The following THSD4 variants were observed in gnomAD, a reference collection of about 807,000 sequenced individuals.
THSD4 encodes the protein thrombospondin type-1 domain-containing protein 4.
In THSD4, 69 loss-of-function variants were observed where a neutral mutation model predicts 119.0. The ratio of observed to expected loss-of-function variants is 0.58; its 90% CI spans 0.48 to 0.71. The LOEUF is 0.71. Ranked by LOEUF, THSD4 falls within the 30% of genes least tolerant of loss-of-function variation. The pLI, the probability that THSD4 is intolerant of heterozygous loss-of-function variation, is 0.00. For synonymous variants in THSD4, 524 were observed against 540.4 expected, an observed-to-expected ratio of 0.97 and a Z score of 0.42; for missense variants, 1,393 against 1,391.1, an observed-to-expected ratio of 1.00 and a Z score of -0.02.
intron 7 of THSD4, among the ~76,000 whole-genome samples, chr15:71,473,826 T>C (rs972020597): frequency 1.6e-4 from 24 of 152,218 alleles, no homozygotes; most frequent in African/African-American, 5.8e-4. Context: ...AGTGGAAGGT[T>C]CTCACCAGTG....
intron 7 of THSD4, among the ~76,000 whole-genome samples, chr15:71,646,565 A>C (rs905065941): frequency 9.2e-5 from 14 of 152,220 alleles, no homozygotes; most frequent in African/African-American, 3.4e-4. Context: ...TGTTATCTTT[A>C]ACTTGACTTT....
chr15:71,627,310 G>A (rs978604741), intron 7 of THSD4, among the ~76,000 whole-genome samples: 13 of 152,218 alleles, frequency 8.5e-5, no homozygotes, highest in South Asian at 6.2e-4. Flanking sequence ...TCACCTCTCC[G>A]ACATCTTCAT....
At chr15:71,441,397 A>ATTTTTTTTTTTTTTTTTTTTTTTTTT (rs1215547880) in intron 7 of THSD4, among the ~76,000 whole-genome samples, 1 of 73,366 alleles carries the variant, frequency 1.4e-5, no homozygotes, top group Non-Finnish European at 2.5e-5. Context: ...CACCTGTAGA[A>ATTTTTTTTTTTTTTTTTTTTTTTTTT]TTTTTTTTTT....
At position 71,242,075 on chromosome 15, in the gene THSD4, G is replaced by A. The variant is rs2044158034; in HGVS notation, c.465-574G>A. ...ATTTAACGCCCTTGAATATTTTCAG[G>A]ATTAAAGTCAGTGCAAGTGAGGCCT... On this transcript the variant is annotated intron_variant, in intron 4 of 17. Coordinates refer to ENST00000261862, the MANE Select transcript of THSD4 (RefSeq NM_024817.3). Among the ~76,000 whole-genome samples the A allele has an allele frequency of 2.6e-5, 4 of 152,158 alleles. No homozygotes were observed. In the South Asian group the frequency reaches 6.2e-4, roughly 24 times the overall value.
chr15:71,470,235 G>T (rs1408928354), intron 7 of THSD4, among the ~76,000 whole-genome samples: 1 of 151,908 alleles, frequency 6.6e-6, no homozygotes, highest in Non-Finnish European at 1.5e-5. Flanking sequence ...CTTTGCTTTG[G>T]GATAATTATT....
At chr15:71,269,701 C>A (rs1181897450) in intron 6 of THSD4, among the ~76,000 whole-genome samples, 1 of 152,116 alleles carries the variant, frequency 6.6e-6, no homozygotes, top group African/African-American at 2.4e-5. Flanking sequence ...TTAGAAAACC[C>A]CATCGTCTTA....
rs2046126485 is a variant in THSD4 at position 71,375,726 on chromosome 15, C to T, written c.1016-35961C>T. On this transcript the variant is annotated intron_variant, in intron 6 of 17. Transcript: ENST00000261862. ...ATCTAGTGCAGTGGTTCTCAAAGTG[C>T]GGTCCCTGGACCAAAAGCATCAGCA... 3.3e-5 allele frequency among the ~76,000 whole-genome samples: 5 copies of T among 152,098 alleles called. No homozygotes were observed. The South Asian group carries it at 6.2e-4, about 19-fold the overall frequency.
In THSD4 at chr15:71,384,854, A is replaced by G. The variant is rs1283756574; in HGVS notation, c.1016-26833A>G. 1.1e-4 allele frequency among the ~76,000 whole-genome samples: 16 copies of G among 152,232 alleles called. 1 individual carries two copies. The South Asian group carries it at 2.3e-3, about 22-fold the overall frequency. ...ACATGACAAGAAAGTGGAGTACTCA[A>G]TTCTTCCAAAGTTAAGGATCCCATT... On this transcript the variant is annotated intron_variant, in intron 6 of 17. Transcript: ENST00000261862.
intron 7 of THSD4, among the ~76,000 whole-genome samples, chr15:71,610,450 G>A (rs1464632988): frequency 6.6e-6 from 1 of 152,146 alleles, no homozygotes. Context: ...TCAAGGCAAT[G>A]AGAATTTTTT....
At chr15:71,136,875 G>T (rs560365392) in intron 1 of THSD4, among the ~76,000 whole-genome samples, 4 of 152,284 alleles carry the variant, frequency 2.6e-5, no homozygotes, top group African/African-American at 9.6e-5. Context: ...TGGTGTCATA[G>T]TTCAGGCAGC....
chr15:71,639,809 A>G (rs1256896538), intron 7 of THSD4, among the ~76,000 whole-genome samples: 1 of 151,134 alleles, frequency 6.6e-6, no homozygotes. Context: ...AGGATGGCCT[A>G]AGACAGCTGT....
intron 7 of THSD4, among the ~76,000 whole-genome samples, chr15:71,634,133 G>A (rs1285455196): frequency 6.6e-6 from 1 of 150,864 alleles, no homozygotes; most frequent in Non-Finnish European, 1.5e-5. Context: ...GTTTCAGTGA[G>A]CCGAGATCGC....
At chr15:71,134,351 A>G (rs1347310488) in intron 1 of THSD4, among the ~76,000 whole-genome samples, 1 of 152,214 alleles carries the variant, frequency 6.6e-6, no homozygotes, top group African/African-American at 2.4e-5. Flanking sequence ...GACCGCCACC[A>G]GAGAGCTCAG....
intron 2 of THSD4, among the ~76,000 whole-genome samples, chr15:71,153,739 T>C (rs2040748829): frequency 6.6e-6 from 1 of 152,204 alleles, no homozygotes; most frequent in Non-Finnish European, 1.5e-5. Flanking sequence ...TCAGTTGTGT[T>C]GGAAGCCTCA....
At chr15:71,262,701 G>A (rs960488255) in intron 6 of THSD4, among the ~76,000 whole-genome samples, 4 of 152,274 alleles carry the variant, frequency 2.6e-5, no homozygotes, top group South Asian at 2.1e-4. Context: ...AGTGAAGGTC[G>A]CCAACTGGTG....
chr15:71,691,914 A>AT (rs1250144281), intron 8 of THSD4, among the ~76,000 whole-genome samples: 1 of 152,202 alleles, frequency 6.6e-6, no homozygotes, highest in Non-Finnish European at 1.5e-5. Context: ...TAGAATCAAG[A>AT]TTCCCGAAGA....
intron 7 of THSD4, among the ~76,000 whole-genome samples, chr15:71,523,788 G>A (rs2048476961): frequency 6.6e-6 from 1 of 152,216 alleles, no homozygotes; most frequent in South Asian, 2.1e-4. Flanking sequence ...GTAAGAGAAA[G>A]AGAAAATCCT....
intron 6 of THSD4, among the ~76,000 whole-genome samples, chr15:71,298,358 A>G (rs981341027): frequency 2.6e-5 from 4 of 152,156 alleles, no homozygotes; most frequent in African/African-American, 9.7e-5. Flanking sequence ...CACATTTTAT[A>G]TCAGGAAATG....
intron 3 of THSD4, among the ~76,000 whole-genome samples, chr15:71,180,881 ATACATT>A (rs1282402168): frequency 1.6e-4 from 24 of 152,140 alleles, no homozygotes; most frequent in Non-Finnish European, 3.2e-4. Context: ...ATAAGAATTC[ATACATT>A]TACAGTGAGC....
Sources: gnomAD v4.1 joint callset for allele counts (sites outside exome capture counted in the v4.1 genomes callset) on GRCh38, gnomAD v4.1.1 for gene constraint, MANE v1.5 for transcripts, NCBI Gene and HGNC (gene_info 2026-07-23, HGNC 2026-07-21) for gene names.